Variants in EFL1 observed in about 807,000 individuals in gnomAD.
The protein encoded by EFL1 is elongation factor-like GTPase 1.
In EFL1, 76 loss-of-function variants were observed where a neutral mutation model predicts 126.7. The ratio of observed to expected loss-of-function variants is 0.60; its 90% confidence interval spans 0.50 to 0.73. The LOEUF (loss-of-function observed/expected upper bound fraction) is 0.73, where lower values mean the gene tolerates loss of function less well. Ranked by LOEUF, EFL1 falls within the 30% of genes least tolerant of loss-of-function variation. The pLI is 0.00. For synonymous variants in EFL1, 410 were observed against 448.4 expected, an observed-to-expected ratio of 0.91 and a Z score of 1.08; for missense variants, 1,128 against 1,343.2, an observed-to-expected ratio of 0.84 and a Z score of 2.50.
intron 14 of EFL1, among the ~76,000 whole-genome samples, chr15:82,218,290 T>C (rs2074672465): frequency 6.6e-6 from 1 of 152,098 alleles, no homozygotes; most frequent in African/African-American, 2.4e-5. Flanking sequence ...ACTTTGAAGG[T>C]AGGTCTGAAA....
chr15:82,148,106 G>C, intron 18 of EFL1, among the ~76,000 whole-genome samples: 1 of 152,092 alleles, frequency 6.6e-6, no homozygotes, highest in Non-Finnish European at 1.5e-5. Flanking sequence ...AGGCTGGGCA[G>C]GGTGGGATTA....
chr15:82,194,389 A>T (rs2074388860), intron 15 of EFL1, among the ~76,000 whole-genome samples: 1 of 152,230 alleles, frequency 6.6e-6, no homozygotes, highest in African/African-American at 2.4e-5. Flanking sequence ...GTAATGTCTA[A>T]GTCTTAAATT....
chr15:82,173,053 A>G (rs995157664), intron 15 of EFL1, among the ~76,000 whole-genome samples: 3 of 152,178 alleles, frequency 2.0e-5, no homozygotes, highest in African/African-American at 7.2e-5. Flanking sequence ...AAACTCATCT[A>G]TGTGCACAAG....
At position 82,219,746 on chromosome 15, in the gene EFL1, A is replaced by G; in HGVS notation, c.1517T>C (p.Ile506Thr). ...LQEENNQESF[I>T]AFARVFSGVA... ...ACCACTGAACACCCGAGCAAATGCA[A>G]TAAAAGACTCTTGGTTGTTTTCTTC... The change falls in exon 14 of 20, where the codon ATT (isoleucine) becomes ACT (threonine). Residue 506 changes from isoleucine (I) to threonine (T), a missense_variant. Physicochemically the swap from Ile to Thr is moderately conservative, Grantham distance 89. Transcript: ENST00000268206. 1.9e-6 allele frequency: 3 copies of G among 1,614,104 alleles called. No individual in the cohort carries two copies. The highest frequency in any genetic ancestry group is 1.1e-5 in the South Asian group (1 of 91,082).
intron 18 of EFL1, among the ~76,000 whole-genome samples, chr15:82,146,202 C>T (rs887394550): frequency 3.9e-5 from 6 of 152,080 alleles, no homozygotes; most frequent in Non-Finnish European, 7.3e-5. Flanking sequence ...CAAGTCTATC[C>T]ATTTATAGGA....
At chr15:82,194,431 G>A (rs573310290) in intron 15 of EFL1, among the ~76,000 whole-genome samples, 1 of 152,230 alleles carries the variant, frequency 6.6e-6, no homozygotes, top group African/African-American at 2.4e-5. Context: ...TTTCAGTACT[G>A]ACTTACATTT....
chr15:82,200,285 G>T (rs1439760366), intron 15 of EFL1, among the ~76,000 whole-genome samples: 1 of 152,134 alleles, frequency 6.6e-6, no homozygotes, highest in East Asian at 1.9e-4. Context: ...GAAAATAAGA[G>T]AATTTTTTTA....
intron 15 of EFL1, among the ~76,000 whole-genome samples, chr15:82,182,075 T>C (rs534153747): frequency 6.6e-5 from 10 of 151,926 alleles, no homozygotes; most frequent in South Asian, 4.2e-4. Context: ...CTGGTCAACA[T>C]AGCAAAACCC....
chr15:82,176,355 C>T (rs1210927747), intron 15 of EFL1, among the ~76,000 whole-genome samples: 23 of 152,068 alleles, frequency 1.5e-4, no homozygotes. Flanking sequence ...TATATTAAAA[C>T]TAAGAACTTC....
In EFL1 at chr15:82,211,549, T is replaced by TACACACACACAC. The variant is rs35812924; in HGVS notation, c.1750+3156_1750+3167dup. ...TCAAAGAAAAAAAAAAAAATCTATA[T>TACACACACACAC]ACACACACACACACACACACACACA... On this transcript the variant is annotated intron_variant, in intron 15 of 19. Transcript: ENST00000268206. Among the ~76,000 whole-genome samples, 614 of 94,328 alleles carry TACACACACACAC rather than the reference T, an allele frequency of 6.5e-3. 3 individuals carry two copies. The highest frequency in any genetic ancestry group is 8.7e-3 in the Non-Finnish European group (424 of 48,970). 61.9% of individuals were successfully genotyped at this position (94,328 alleles called of 152,430 possible). A position where few individuals can be genotyped will look rare whatever the true frequency, so the allele number is the denominator to read the frequency against.
At chr15:82,195,632 A>T (rs1263030710) in intron 15 of EFL1, among the ~76,000 whole-genome samples, 6 of 152,190 alleles carry the variant, frequency 3.9e-5, no homozygotes, top group African/African-American at 1.4e-4. Flanking sequence ...AAACGCCAAC[A>T]AACTAATGAG....
At chr15:82,146,435 T>A (rs1020149286) in intron 18 of EFL1, among the ~76,000 whole-genome samples, 2 of 152,036 alleles carry the variant, frequency 1.3e-5, no homozygotes, top group African/African-American at 4.8e-5. Context: ...TCTTTCCAAT[T>A]GAAGGTGTTG....
chr15:82,176,195 C>T (rs912809237), intron 15 of EFL1, among the ~76,000 whole-genome samples: 17 of 151,872 alleles, frequency 1.1e-4, no homozygotes, highest in Admixed American at 2.0e-4. Flanking sequence ...CAATGTCAGA[C>T]GGATTGCAGA....
intron 15 of EFL1, among the ~76,000 whole-genome samples, chr15:82,175,323 T>G (rs925902209): frequency 3.9e-5 from 6 of 152,210 alleles, no homozygotes; most frequent in African/African-American, 1.4e-4. Context: ...GTTAACTAAT[T>G]TTTAAGCAAA....
intron 15 of EFL1, among the ~76,000 whole-genome samples, chr15:82,194,865 A>G (rs2074393712): frequency 6.6e-6 from 1 of 152,228 alleles, no homozygotes; most frequent in Non-Finnish European, 1.5e-5. Flanking sequence ...CTTGTAATCA[A>G]TGAGGCAAAG....
intron 15 of EFL1, among the ~76,000 whole-genome samples, chr15:82,186,763 C>T (rs1230358178): frequency 6.6e-6 from 1 of 152,174 alleles, no homozygotes; most frequent in Non-Finnish European, 1.5e-5. Context: ...TCTAGTCCCA[C>T]ATGACTCAGT....
intron 15 of EFL1, 116 bp from the exon 16 acceptor site, chr15:82,164,100 G>A: frequency 7.6e-7 from 1 of 1,322,524 alleles, no homozygotes; most frequent in Non-Finnish European, 1.0e-6. Context: ...CTTCCAAAAT[G>A]TTGCAAGAAA....
At chr15:82,217,937 T>C (rs1226039934) in intron 14 of EFL1, among the ~76,000 whole-genome samples, 1 of 152,146 alleles carries the variant, frequency 6.6e-6, no homozygotes, top group Non-Finnish European at 1.5e-5. Context: ...AAACTGTAGG[T>C]GGCCTCTAGG....
At chr15:82,215,255 T>C (rs1279387078) in intron 14 of EFL1, among the ~76,000 whole-genome samples, 1 of 152,220 alleles carries the variant, frequency 6.6e-6, no homozygotes, top group Non-Finnish European at 1.5e-5. Context: ...CAAGTTGTTT[T>C]ATTTATAATG....
Sources: allele counts gnomAD v4.1 joint callset (sites outside exome capture counted in the v4.1 genomes callset), GRCh38; gene constraint gnomAD v4.1.1; transcripts MANE v1.5; gene names NCBI Gene and HGNC (gene_info 2026-07-23, HGNC 2026-07-21).